The following NRXN1 variants were observed in gnomAD, a reference collection of about 807,000 sequenced individuals.
The protein encoded by NRXN1 is neurexin 1.
A neutral mutation model predicts 150.9 loss-of-function variants in NRXN1; 39 were observed. That is an observed-to-expected ratio of 0.26 (90% CI 0.20 to 0.34). NRXN1 has a LOEUF of 0.34. Ranked by LOEUF, NRXN1 falls within the 10% of genes least tolerant of loss-of-function variation. The pLI is 1.00. For synonymous variants in NRXN1, 924 were observed against 757.0 expected (o/e 1.22, Z -3.62); for missense variants, 1,815 against 1,949.9 (o/e 0.93, Z 1.30).
chr2:50,821,030 A>C (rs1461516303), intron 5 of NRXN1, among the ~76,000 whole-genome samples: 1 of 152,160 alleles, frequency 6.6e-6, no homozygotes, highest in South Asian at 2.1e-4. Context: ...TTCACCCCCA[A>C]CAACATATTT....
At chr2:50,559,439 T>C (rs1240664609) in intron 8 of NRXN1, among the ~76,000 whole-genome samples, 1 of 152,228 alleles carries the variant, frequency 6.6e-6, no homozygotes, top group African/African-American at 2.4e-5. Flanking sequence ...ACACGTGCTA[T>C]GGTAGGATCA....
chr2:50,100,739 C>T (rs1229577427), intron 18 of NRXN1, among the ~76,000 whole-genome samples: 2 of 152,076 alleles, frequency 1.3e-5, no homozygotes, highest in Admixed American at 6.6e-5. Context: ...GAATCAGAGT[C>T]ATCTCATTGA....
intron 17 of NRXN1, among the ~76,000 whole-genome samples, chr2:50,274,628 G>T (rs1271618270): frequency 6.6e-6 from 1 of 152,100 alleles, no homozygotes; most frequent in Non-Finnish European, 1.5e-5. Context: ...ACTAAAATCT[G>T]TAAAAATAGA....
intron 21 of NRXN1, among the ~76,000 whole-genome samples, chr2:50,014,442 C>A (rs540371699): frequency 6.6e-6 from 1 of 152,132 alleles, no homozygotes; most frequent in African/African-American, 2.4e-5. Flanking sequence ...GGGGGACTGA[C>A]CTGTGCACTG....
intron 18 of NRXN1, among the ~76,000 whole-genome samples, chr2:50,103,783 GA>G (rs1701288499): frequency 6.6e-6 from 1 of 152,124 alleles, no homozygotes; most frequent in African/African-American, 2.4e-5. Context: ...AGAATATTTT[GA>G]AGACAGTTGT....
At chr2:50,882,012 C>T (rs1249825457) in intron 5 of NRXN1, among the ~76,000 whole-genome samples, 2 of 151,714 alleles carry the variant, frequency 1.3e-5, no homozygotes, top group African/African-American at 4.8e-5. Flanking sequence ...AAAACATATG[C>T]TCAAATTTTT....
chr2:50,193,415 T>A (rs2061567014), intron 18 of NRXN1, among the ~76,000 whole-genome samples: 1 of 152,218 alleles, frequency 6.6e-6, no homozygotes, highest in African/African-American at 2.4e-5. Flanking sequence ...AGCTGCTGTG[T>A]TATCATTTAG....
At chr2:50,240,766 T>G (rs2065930814) in intron 17 of NRXN1, among the ~76,000 whole-genome samples, 1 of 151,726 alleles carries the variant, frequency 6.6e-6, no homozygotes, top group African/African-American at 2.4e-5. Flanking sequence ...CAACACTATC[T>G]TATAGAGCTC....
intron 2 of NRXN1, among the ~76,000 whole-genome samples, chr2:50,961,108 A>G (rs1693110515): frequency 6.6e-6 from 1 of 151,952 alleles, no homozygotes; most frequent in Non-Finnish European, 1.5e-5. Context: ...TTTAAAGATT[A>G]TATGTCCATT....
chr2:50,515,337 T>C (rs527841467), intron 12 of NRXN1, among the ~76,000 whole-genome samples: 1 of 152,308 alleles, frequency 6.6e-6, no homozygotes, highest in Non-Finnish European at 1.5e-5. Flanking sequence ...AGATGTATAA[T>C]GATTTCATTA....
intron 8 of NRXN1, among the ~76,000 whole-genome samples, chr2:50,575,860 A>T (rs1366803734): frequency 6.6e-6 from 1 of 152,198 alleles, no homozygotes; most frequent in Non-Finnish European, 1.5e-5. Flanking sequence ...GAGGCAAAGC[A>T]TGACTTCTTT....
chr2:49,977,173 T>C (rs760491230), intron 21 of NRXN1, among the ~76,000 whole-genome samples: 6 of 152,154 alleles, frequency 3.9e-5, no homozygotes, highest in Admixed American at 1.3e-4. Context: ...AAAAAATGAA[T>C]TGGCCAAATT....
At chr2:51,003,208 T>C (rs1700286398) in intron 2 of NRXN1, among the ~76,000 whole-genome samples, 1 of 151,906 alleles carries the variant, frequency 6.6e-6, no homozygotes, top group Non-Finnish European at 1.5e-5. Context: ...ATAATAATGA[T>C]TTATCAAAGT....
At chr2:50,481,957 AC>A (rs1320025748) in intron 15 of NRXN1, among the ~76,000 whole-genome samples, 2 of 139,496 alleles carry the variant, frequency 1.4e-5, no homozygotes, top group Non-Finnish European at 3.0e-5. Flanking sequence ...TTTAGTAGAG[AC>A]GGGGTTTCAC....
intron 17 of NRXN1, among the ~76,000 whole-genome samples, chr2:50,274,187 T>C (rs2070100131): frequency 6.6e-6 from 1 of 150,928 alleles, no homozygotes; most frequent in African/African-American, 2.4e-5. Context: ...CATGGAATAC[T>C]ATGCAGCCAT....
chr2:50,895,894 T>C (rs1165030006), intron 5 of NRXN1, among the ~76,000 whole-genome samples: 1 of 151,938 alleles, frequency 6.6e-6, no homozygotes, highest in East Asian at 1.9e-4. Flanking sequence ...CAAGAAATTT[T>C]ATGTAAGGGC....
At chr2:50,461,280 A>G (rs2088178861) in intron 17 of NRXN1, among the ~76,000 whole-genome samples, 1 of 151,974 alleles carries the variant, frequency 6.6e-6, no homozygotes, top group Admixed American at 6.6e-5. Flanking sequence ...CAGCCTTTTA[A>G]TAAAACAGCA....
intron 5 of NRXN1, among the ~76,000 whole-genome samples, chr2:50,662,055 A>T (rs1213735050): frequency 6.6e-6 from 1 of 152,074 alleles, no homozygotes; most frequent in Non-Finnish European, 1.5e-5. Context: ...ATTTTTCAAG[A>T]GTCTGAGGGT....
chr2:50,204,330 A>G (rs2062405834), intron 18 of NRXN1, among the ~76,000 whole-genome samples: 3 of 142,066 alleles, frequency 2.1e-5, no homozygotes, highest in African/African-American at 5.4e-5. Context: ...AAATAAAAAT[A>G]TAAGAAATAC....
Sources: gnomAD v4.1 joint callset for allele counts (sites outside exome capture counted in the v4.1 genomes callset) on GRCh38, gnomAD v4.1.1 for gene constraint, MANE v1.5 for transcripts, NCBI Gene and HGNC (gene_info 2026-07-23, HGNC 2026-07-21) for gene names.